Variants in FAM135A observed in about 807,000 individuals in gnomAD.
The protein encoded by FAM135A is protein FAM135A.
FAM135A carries 79 observed loss-of-function variants against 146.8 expected under a neutral mutation model. The ratio of observed to expected loss-of-function variants is 0.54; its 90% CI spans 0.45 to 0.65. FAM135A has a LOEUF of 0.65. Ranked by LOEUF, FAM135A falls within the 30% of genes least tolerant of loss-of-function variation. FAM135A has a pLI of 0.00. For synonymous variants in FAM135A, 562 were observed against 603.6 expected, an observed-to-expected ratio of 0.93 and a Z score of 1.01; for missense variants, 1,623 against 1,758.2, an observed-to-expected ratio of 0.92 and a Z score of 1.38.
At chr6:70,475,059 C>T (rs1782364075) in intron 5 of FAM135A, among the ~76,000 whole-genome samples, 1 of 152,054 alleles carries the variant, frequency 6.6e-6, no homozygotes, top group Non-Finnish European at 1.5e-5. Flanking sequence ...TCCTAGCAAC[C>T]AGTACAAAGG....
chr6:70,486,039 A>G (rs1050448666), intron 10 of FAM135A: 15 of 582,972 alleles, frequency 2.6e-5, no homozygotes, highest in South Asian at 1.7e-4. Flanking sequence ...TGTAATTTTG[A>G]TAAGCTAATT....
intron 10 of FAM135A, among the ~76,000 whole-genome samples, chr6:70,483,923 T>C (rs1784175239): frequency 1.3e-5 from 2 of 152,224 alleles, no homozygotes; most frequent in African/African-American, 4.8e-5. Context: ...TTACTTACTT[T>C]GAGCCTACAA....
chr6:70,522,029 G>A (rs761740953), intron 12 of FAM135A, among the ~76,000 whole-genome samples: 1 of 152,136 alleles, frequency 6.6e-6, no homozygotes, highest in Non-Finnish European at 1.5e-5. Context: ...CGATTCTCCT[G>A]CCTCAGCCTC....
intron 2 of FAM135A, among the ~76,000 whole-genome samples, chr6:70,417,336 C>G (rs971647055): frequency 9.9e-5 from 15 of 151,532 alleles, no homozygotes; most frequent in African/African-American, 3.6e-4. Flanking sequence ...GCCTCAGCCT[C>G]CCAAGTAGCT....
intron 4 of FAM135A, among the ~76,000 whole-genome samples, chr6:70,445,616 T>A (rs1775527506): frequency 6.6e-6 from 1 of 152,230 alleles, no homozygotes; most frequent in South Asian, 2.1e-4. Context: ...TTTGGCTAGT[T>A]ATCTGCAGCA....
chr6:70,457,940 C>T (rs994950038), intron 5 of FAM135A, among the ~76,000 whole-genome samples: 1 of 151,792 alleles, frequency 6.6e-6, no homozygotes, highest in Non-Finnish European at 1.5e-5. Flanking sequence ...GGTTCTGATA[C>T]GATCAGTTGC....
At chr6:70,545,113 A>G (rs1010495637) in intron 20 of FAM135A, among the ~76,000 whole-genome samples, 2 of 152,096 alleles carry the variant, frequency 1.3e-5, no homozygotes, top group African/African-American at 4.8e-5. Flanking sequence ...GATTACAGAA[A>G]TTGACTTTTA....
At chr6:70,466,380 A>G (rs1780483299) in intron 5 of FAM135A, among the ~76,000 whole-genome samples, 1 of 152,154 alleles carries the variant, frequency 6.6e-6, no homozygotes, top group Non-Finnish European at 1.5e-5. Context: ...CTATATTCCA[A>G]GGAAATATCT....
chr6:70,414,999 TATTGCA>T (rs1350068125), intron 1 of FAM135A, among the ~76,000 whole-genome samples: 1 of 152,262 alleles, frequency 6.6e-6, no homozygotes, highest in African/African-American at 2.4e-5. Context: ...ATACATTTGC[TATTGCA>T]ATTGATTGCA....
intron 17 of FAM135A, 74 bp from the exon 18 acceptor site, chr6:70,533,683 T>G (rs1796252944): frequency 2.3e-6 from 2 of 882,374 alleles, no homozygotes; most frequent in Non-Finnish European, 3.4e-6. Flanking sequence ...AAATTAAAAA[T>G]GTTTATATTG....
At chr6:70,543,704 G>A (rs1798336702) in intron 20 of FAM135A, among the ~76,000 whole-genome samples, 1 of 152,208 alleles carries the variant, frequency 6.6e-6, no homozygotes. Context: ...GGAAATACGT[G>A]AAAGGCAAAG....
intron 4 of FAM135A, among the ~76,000 whole-genome samples, chr6:70,450,444 T>G (rs1776767752): frequency 6.6e-6 from 1 of 152,154 alleles, no homozygotes; most frequent in Admixed American, 6.5e-5. Flanking sequence ...TGATTTTGTA[T>G]ATGGTATGAG....
At chr6:70,520,801 C>A (rs936376400) in intron 12 of FAM135A, among the ~76,000 whole-genome samples, 2 of 152,138 alleles carry the variant, frequency 1.3e-5, no homozygotes. Flanking sequence ...TATGGCCACA[C>A]ACTACAGTTA....
intron 21 of FAM135A, 91 bp downstream of exon 21, chr6:70,556,954 C>A: frequency 1.1e-6 from 1 of 875,052 alleles, no homozygotes; most frequent in Non-Finnish European, 1.8e-6. Flanking sequence ...GTATCTGTCA[C>A]CCTTCTCTTT....
intron 5 of FAM135A, among the ~76,000 whole-genome samples, chr6:70,471,231 A>G (rs900495383): frequency 6.6e-6 from 1 of 152,248 alleles, no homozygotes; most frequent in Admixed American, 6.5e-5. Flanking sequence ...CAAGGGTAAC[A>G]TATATCCTTA....
chr6:70,515,585 G>A (rs537851774), intron 12 of FAM135A, among the ~76,000 whole-genome samples: 18 of 152,166 alleles, frequency 1.2e-4, no homozygotes, highest in African/African-American at 3.4e-4. Context: ...AAAGATCCGG[G>A]TTGTCAGGGG....
chr6:70,459,559 T>G (rs987864102), intron 5 of FAM135A, among the ~76,000 whole-genome samples: 6 of 152,194 alleles, frequency 3.9e-5, no homozygotes, highest in South Asian at 2.1e-4. Context: ...GTTTTAGGAA[T>G]CTGGCTCCAG....
At chr6:70,422,557 A>G (rs1769097575) in intron 2 of FAM135A, among the ~76,000 whole-genome samples, 1 of 152,242 alleles carries the variant, frequency 6.6e-6, no homozygotes, top group South Asian at 2.1e-4. Flanking sequence ...GAAATTAGGC[A>G]GCAACAATAG....
In FAM135A at chr6:70,525,470, G is replaced by A; in HGVS notation, c.2386G>A (p.Gly796Ser). The change falls in exon 15 of 22, where the codon GGT becomes AGT. Residue 796 changes from glycine (G) to serine (S), a missense_variant. Transcript: ENST00000418814. Reference protein sequence around the residue: ...DLVFETVQGQGPCNSERLFPQ... With the variant: ...DLVFETVQGQSPCNSERLFPQ... ...AGTCTTTGAAACTGTGCAAGGGCAA[G>A]GTCCTTGCAATAGTGAAAGATTATT... 6.2e-7 allele frequency: 1 copy of A among 1,612,644 alleles called. No individual in the cohort carries two copies. The highest frequency in any genetic ancestry group is 1.1e-5 in the South Asian group (1 of 90,712).
Sources: allele counts gnomAD v4.1 joint callset (sites outside exome capture counted in the v4.1 genomes callset), GRCh38; gene constraint gnomAD v4.1.1; transcripts MANE v1.5; gene names NCBI Gene and HGNC (gene_info 2026-07-23, HGNC 2026-07-21).